The following POU2F1 variants were observed in gnomAD, a reference collection of about 807,000 sequenced individuals.
POU2F1 encodes POU class 2 homeobox 1.
POU2F1 carries 16 observed loss-of-function variants against 84.9 expected under a neutral mutation model. The ratio of observed to expected loss-of-function variants is 0.19; its 90% CI spans 0.13 to 0.29. The LOEUF (loss-of-function observed/expected upper bound fraction) is 0.29. Ranked by LOEUF, POU2F1 falls within the 10% of genes least tolerant of loss-of-function variation. The probability of loss-of-function intolerance (pLI) is 1.00; values close to 1 mark genes in which losing one functional copy is unlikely to be tolerated. For synonymous variants in POU2F1, 368 were observed against 368.3 expected, an observed-to-expected ratio of 1.00 and a Z score of 0.01; for missense variants, 738 against 942.6, an observed-to-expected ratio of 0.78 and a Z score of 2.84.
At chr1:167,413,155 G>T in intron 15 of POU2F1, 41 bp downstream of exon 15, 1 of 1,400,424 alleles carries the variant, frequency 7.1e-7, no homozygotes, top group Non-Finnish European at 9.8e-7. Flanking sequence ...GCATGCACGT[G>T]TGTGTGAGTG....
intron 1 of POU2F1, among the ~76,000 whole-genome samples, chr1:167,292,073 G>A (rs1016952409): frequency 7.2e-5 from 11 of 152,144 alleles, no homozygotes; most frequent in South Asian, 4.2e-4. Context: ...TTATATTACC[G>A]TGTCTCAGTG....
intron 1 of POU2F1, among the ~76,000 whole-genome samples, chr1:167,261,200 G>A (rs902260557): frequency 4.6e-5 from 7 of 152,084 alleles, no homozygotes; most frequent in African/African-American, 1.2e-4. Flanking sequence ...TCAAGCAAGC[G>A]CTATAAGGAC....
At chr1:167,260,515 C>T (rs762438237) in intron 1 of POU2F1, among the ~76,000 whole-genome samples, 7 of 152,032 alleles carry the variant, frequency 4.6e-5, no homozygotes, top group Non-Finnish European at 8.8e-5. Flanking sequence ...CTTAGTCTAC[C>T]TGGAGTTGAT....
chr1:167,316,732 A>G (rs12411149), intron 1 of POU2F1, among the ~76,000 whole-genome samples: 3,192 of 152,304 alleles, frequency 0.021, 243 homozygotes, highest in Admixed American at 0.15. Flanking sequence ...GAAAACATAA[A>G]TTACCAGTAT....
At chr1:167,306,579 G>A (rs1655079149) in intron 1 of POU2F1, among the ~76,000 whole-genome samples, 1 of 152,118 alleles carries the variant, frequency 6.6e-6, no homozygotes, top group African/African-American at 2.4e-5. Flanking sequence ...AGGTTCAGAT[G>A]TTAGATTAGT....
At chr1:167,226,250 A>AT (rs1310999977) in intron 1 of POU2F1, among the ~76,000 whole-genome samples, 2 of 151,936 alleles carry the variant, frequency 1.3e-5, no homozygotes, top group African/African-American at 2.4e-5. Flanking sequence ...TTCTGCATGA[A>AT]TTTTTTCCTT....
intron 13 of POU2F1, among the ~76,000 whole-genome samples, chr1:167,403,995 G>C (rs951596267): frequency 1.3e-5 from 2 of 151,928 alleles, no homozygotes; most frequent in Non-Finnish European, 2.9e-5. Context: ...TGAAAAGTCT[G>C]ATTTCAATCT....
intron 1 of POU2F1, among the ~76,000 whole-genome samples, chr1:167,224,331 A>G (rs773516617): frequency 1.3e-5 from 2 of 152,236 alleles, no homozygotes; most frequent in African/African-American, 2.4e-5. Context: ...CATTTGCCTT[A>G]GAATCCATTT....
intron 1 of POU2F1, chr1:167,329,068 T>C: frequency 8.3e-7 from 1 of 1,205,066 alleles, no homozygotes; most frequent in Non-Finnish European, 1.0e-6. Context: ...AACTGAAGTT[T>C]CCTTATTCAG....
intron 1 of POU2F1, among the ~76,000 whole-genome samples, chr1:167,287,292 G>T (rs1257859353): frequency 6.6e-6 from 1 of 152,220 alleles, no homozygotes; most frequent in African/African-American, 2.4e-5. Context: ...GAAACCCAGA[G>T]ATAAGAAACT....
chr1:167,279,685 T>A (rs1220558069), intron 1 of POU2F1, among the ~76,000 whole-genome samples: 1 of 152,098 alleles, frequency 6.6e-6, no homozygotes, highest in African/African-American at 2.4e-5. Flanking sequence ...ACCACTGCAC[T>A]CCAGCCTGGG....
intron 1 of POU2F1, among the ~76,000 whole-genome samples, chr1:167,315,806 TAA>T (rs537847447): frequency 1.5e-5 from 2 of 136,568 alleles, no homozygotes; most frequent in Admixed American, 7.4e-5. Context: ...CCCATCTCTT[TAA>T]AAAAAAAAAA....
chr1:167,289,183 T>A (rs1243189177), intron 1 of POU2F1, among the ~76,000 whole-genome samples: 1 of 152,216 alleles, frequency 6.6e-6, no homozygotes, highest in Middle Eastern at 3.2e-3. Flanking sequence ...TTTGAAATAG[T>A]TTCTTTGAAG....
chr1:167,239,218 T>G (rs530288766), intron 1 of POU2F1, among the ~76,000 whole-genome samples: 1 of 152,224 alleles, frequency 6.6e-6, no homozygotes, highest in Non-Finnish European at 1.5e-5. Flanking sequence ...GACATACCAT[T>G]TGTCAACTGA....
chr1:167,281,027 A>T (rs182788274), intron 1 of POU2F1, among the ~76,000 whole-genome samples: 1 of 152,228 alleles, frequency 6.6e-6, no homozygotes. Context: ...AAAGCTAAGT[A>T]TCTTAAATGC....
intron 1 of POU2F1, among the ~76,000 whole-genome samples, chr1:167,301,318 A>G (rs1048928880): frequency 6.6e-6 from 1 of 152,242 alleles, no homozygotes; most frequent in Non-Finnish European, 1.5e-5. Context: ...CAGACACGTT[A>G]GTTACTGCTG....
chr1:167,372,922 T>G (rs1444441406), intron 5 of POU2F1, among the ~76,000 whole-genome samples: 1 of 103,472 alleles, frequency 9.7e-6, no homozygotes, highest in East Asian at 3.4e-4. Context: ...TTTCCTAGGG[T>G]TTTTTGTTTT....
intron 13 of POU2F1, among the ~76,000 whole-genome samples, chr1:167,403,318 T>C (rs1649337297): frequency 6.6e-6 from 1 of 152,232 alleles, no homozygotes; most frequent in African/African-American, 2.4e-5. Flanking sequence ...GATTGCAGCC[T>C]TGTGATACTC....
At chr1:167,378,431 A>G (rs1170124322) in intron 7 of POU2F1, among the ~76,000 whole-genome samples, 8 of 134,332 alleles carry the variant, frequency 6.0e-5, no homozygotes, top group Non-Finnish European at 9.4e-5. Flanking sequence ...TTTGAGACAT[A>G]GTTTCACTCT....
Sources: allele counts gnomAD v4.1 joint callset (sites outside exome capture counted in the v4.1 genomes callset), GRCh38; gene constraint gnomAD v4.1.1; transcripts MANE v1.5; gene names NCBI Gene and HGNC (gene_info 2026-07-23, HGNC 2026-07-21).